The following LRRC7 variants were observed in gnomAD, a reference collection of about 807,000 sequenced individuals.
LRRC7 encodes the protein leucine rich repeat containing 7, also known as leucine-rich repeat-containing protein 7.
LRRC7 carries 23 observed loss-of-function variants against 175.7 expected under a neutral mutation model. The observed-to-expected ratio is 0.13, with a 90% CI of 0.09 to 0.19. LRRC7 has a LOEUF of 0.19. Ranked by LOEUF, LRRC7 falls within the 10% of genes least tolerant of loss-of-function variation. LRRC7 has a pLI of 1.00. For missense variants in LRRC7, 1,354 were observed against 1,904.7 expected (o/e 0.71, Z 5.38); for synonymous variants, 685 against 680.9 (o/e 1.01, Z -0.09).
At chr1:69,769,620 T>C (rs1672001316) in intron 3 of LRRC7, among the ~76,000 whole-genome samples, 1 of 152,180 alleles carries the variant, frequency 6.6e-6, no homozygotes, top group Admixed American at 6.6e-5. Context: ...TCATTATGTA[T>C]ATGCAAGTAT....
intron 8 of LRRC7, among the ~76,000 whole-genome samples, chr1:69,954,367 A>C (rs573042640): frequency 2.0e-5 from 3 of 152,160 alleles, no homozygotes; most frequent in Admixed American, 2.0e-4. Flanking sequence ...TTGTTAGCAG[A>C]GCTCTCATTT....
At chr1:69,858,036 G>A (rs991244341) in intron 7 of LRRC7, among the ~76,000 whole-genome samples, 1 of 152,174 alleles carries the variant, frequency 6.6e-6, no homozygotes, top group Admixed American at 6.5e-5. Context: ...AATAAATGGT[G>A]CTGGGAAAAC....
intron 11 of LRRC7, among the ~76,000 whole-genome samples, chr1:70,010,422 T>C (rs1168366492): frequency 2.0e-5 from 3 of 151,952 alleles, no homozygotes; most frequent in Non-Finnish European, 4.4e-5. Flanking sequence ...AAAAATTAGC[T>C]GGGCGTGGTG....
chr1:69,885,106 G>A (rs2101624688), intron 7 of LRRC7, among the ~76,000 whole-genome samples: 1 of 95,888 alleles, frequency 1.0e-5, no homozygotes, highest in South Asian at 3.3e-4. Flanking sequence ...GCCCGGCTTT[G>A]GTATCAGAAT....
chr1:70,068,207 G>T (rs570612301), intron 23 of LRRC7, among the ~76,000 whole-genome samples: 2 of 152,170 alleles, frequency 1.3e-5, no homozygotes, highest in African/African-American at 4.8e-5. Context: ...AAAGCATTTG[G>T]TTTTTTCCCA....
chr1:69,659,059 A>G (rs227114), intron 1 of LRRC7, among the ~76,000 whole-genome samples: 26,153 of 151,950 alleles, frequency 0.17, 2,376 homozygotes, highest in Admixed American at 0.2. Flanking sequence ...CTTTGGTAGA[A>G]GAATGCAGCT....
intron 23 of LRRC7, among the ~76,000 whole-genome samples, chr1:70,070,618 G>A (rs575843368): frequency 1.3e-5 from 2 of 152,066 alleles, no homozygotes; most frequent in Non-Finnish European, 2.9e-5. Flanking sequence ...GAAGGGTGGG[G>A]TGCTGCATTG....
chr1:69,987,825 T>C (rs1297653643), intron 10 of LRRC7, among the ~76,000 whole-genome samples: 1 of 152,202 alleles, frequency 6.6e-6, no homozygotes, highest in Non-Finnish European at 1.5e-5. Flanking sequence ...TGACTTTTTA[T>C]TTACAAAATC....
At chr1:69,757,556 A>G (rs927602044) in intron 2 of LRRC7, among the ~76,000 whole-genome samples, 2 of 151,990 alleles carry the variant, frequency 1.3e-5, no homozygotes, top group African/African-American at 4.8e-5. Context: ...AAAGATGACT[A>G]GAAGAGTTTG....
intron 7 of LRRC7, among the ~76,000 whole-genome samples, chr1:69,901,480 C>T (rs1570571265): frequency 6.6e-6 from 1 of 152,040 alleles, no homozygotes; most frequent in African/African-American, 2.4e-5. Flanking sequence ...GCTTCCTCAT[C>T]TAGTTTTGGT....
At chr1:69,575,932 G>T (rs969433289) in intron 1 of LRRC7, among the ~76,000 whole-genome samples, 23 of 152,228 alleles carry the variant, frequency 1.5e-4, no homozygotes, top group African/African-American at 5.5e-4. Context: ...TCATTTCTGA[G>T]AAGTTTTTTG....
chr1:69,582,900 AT>A (rs987791886), intron 1 of LRRC7, among the ~76,000 whole-genome samples: 21 of 152,034 alleles, frequency 1.4e-4, no homozygotes, highest in Admixed American at 1.2e-3. Context: ...CTTGAAATGT[AT>A]TTTACAAATT....
At chr1:69,717,850 AAAGG>A in intron 2 of LRRC7, among the ~76,000 whole-genome samples, 1 of 28,796 alleles carries the variant, frequency 3.5e-5, no homozygotes, top group East Asian at 2.1e-3. Flanking sequence ...AAAAAGAAAG[AAAGG>A]AAAGAAAGAA....
chr1:69,924,260 G>T (rs986365645), intron 7 of LRRC7, among the ~76,000 whole-genome samples: 6 of 152,078 alleles, frequency 3.9e-5, no homozygotes, highest in African/African-American at 1.4e-4. Flanking sequence ...TTGTTCTTTT[G>T]GCTTAGGATT....
rs147560022 is a variant in LRRC7 at position 69,922,443 on chromosome 1, C to T, written c.648-9064C>T. 1.8e-3 allele frequency among the ~76,000 whole-genome samples: 274 copies of T among 152,280 alleles called. 1 individual carries two copies. Among genetic ancestry groups the T allele is most frequent in the African/African-American group, 5.6e-3 (232 of 41,554 alleles). On this transcript the variant is annotated intron_variant, in intron 7 of 26. Transcript: ENST00000651989. ...TAGCAACCTACACGTATGATTTTTACGGCAAATGCCATATTGGGTAGAAAT... is the reference window on the plus strand; with the variant it reads ...TAGCAACCTACACGTATGATTTTTATGGCAAATGCCATATTGGGTAGAAAT...
intron 7 of LRRC7, among the ~76,000 whole-genome samples, chr1:69,884,506 C>T (rs180798937): frequency 0.021 from 2,834 of 133,654 alleles, 601 homozygotes; most frequent in African/African-American, 0.084. Context: ...CACCTTAAGG[C>T]GATTTTGGGC....
Position 69,758,258 on chromosome 1 carries a change from G to T in LRRC7, c.101-1933G>T, listed in dbSNP as rs141158624. 5.5e-4 allele frequency among the ~76,000 whole-genome samples: 84 copies of T among 152,128 alleles called. No homozygotes were observed. In the East Asian group the frequency reaches 0.015, roughly 28 times the overall value. On this transcript the variant is annotated intron_variant, in intron 2 of 26. Transcript: ENST00000651989. Reference sequence around the variant, plus strand: ...TCTTGCGATTCTGGTTCCCAGAAATGAAAAGAACAGGAGTTGGAGAGACAG... The same window carrying T: ...TCTTGCGATTCTGGTTCCCAGAAATTAAAAGAACAGGAGTTGGAGAGACAG...
At chr1:69,856,920 C>G (rs1683713345) in intron 7 of LRRC7, among the ~76,000 whole-genome samples, 1 of 152,188 alleles carries the variant, frequency 6.6e-6, no homozygotes. Flanking sequence ...CCACCATGAT[C>G]AAGTGGGCTT....
intron 4 of LRRC7, among the ~76,000 whole-genome samples, chr1:69,822,491 G>A (rs1486626342): frequency 1.3e-5 from 2 of 152,132 alleles, no homozygotes; most frequent in Non-Finnish European, 2.9e-5. Context: ...GTTAAGTTTT[G>A]AACATTGGTT....
Sources: allele counts gnomAD v4.1 joint callset (sites outside exome capture counted in the v4.1 genomes callset), GRCh38; gene constraint gnomAD v4.1.1; transcripts MANE v1.5; gene names NCBI Gene and HGNC (gene_info 2026-07-23, HGNC 2026-07-21).